The following DPP10 variants were observed in gnomAD, a reference collection of about 807,000 sequenced individuals.
DPP10 encodes the protein dipeptidyl peptidase like 10.
A neutral mutation model predicts 120.9 loss-of-function variants in DPP10; 33 were observed. That is an observed-to-expected ratio of 0.27 (90% CI 0.21 to 0.37). DPP10 has a LOEUF of 0.37. Ranked by LOEUF, DPP10 falls within the 10% of genes least tolerant of loss-of-function variation. The probability of loss-of-function intolerance (pLI) is 1.00; values close to 1 mark genes in which losing one functional copy is unlikely to be tolerated. For missense variants in DPP10, 816 were observed against 942.8 expected (o/e 0.87, Z 1.76); for synonymous variants, 337 against 326.1 (o/e 1.03, Z -0.36).
At chr2:115,831,535 G>A (rs1688926788) in intron 21 of DPP10, among the ~76,000 whole-genome samples, 1 of 152,094 alleles carries the variant, frequency 6.6e-6, no homozygotes, top group South Asian at 2.1e-4. Flanking sequence ...ACCATGTCCG[G>A]CCCAAATAAC....
intron 1 of DPP10, among the ~76,000 whole-genome samples, chr2:114,772,350 G>A (rs956641822): frequency 6.6e-6 from 1 of 151,804 alleles, no homozygotes; most frequent in Non-Finnish European, 1.5e-5. Context: ...AGTAGAGATG[G>A]GGTCTCACCA....
chr2:115,646,474 C>T (rs910309493), intron 5 of DPP10, among the ~76,000 whole-genome samples: 1 of 152,058 alleles, frequency 6.6e-6, no homozygotes, highest in Non-Finnish European at 1.5e-5. Flanking sequence ...ACTGTAAGTC[C>T]CACCTGCATT....
intron 1 of DPP10, among the ~76,000 whole-genome samples, chr2:114,861,064 C>A (rs1051008871): frequency 2.0e-5 from 3 of 152,158 alleles, no homozygotes; most frequent in African/African-American, 7.2e-5. Flanking sequence ...ACAACATAAA[C>A]CCTCTTTCTT....
At chr2:114,662,499 G>C (rs1041890479) in intron 1 of DPP10, among the ~76,000 whole-genome samples, 1 of 152,128 alleles carries the variant, frequency 6.6e-6, no homozygotes, top group Non-Finnish European at 1.5e-5. Flanking sequence ...ACTTGAATGC[G>C]TGTGTCAGAC....
intron 1 of DPP10, among the ~76,000 whole-genome samples, chr2:114,764,103 G>A (rs564024907): frequency 6.6e-6 from 1 of 152,238 alleles, no homozygotes; most frequent in Non-Finnish European, 1.5e-5. Context: ...GGTAAATACT[G>A]CTTAAATAGT....
At chr2:115,533,789 G>T (rs2078620012) in intron 5 of DPP10, among the ~76,000 whole-genome samples, 1 of 152,034 alleles carries the variant, frequency 6.6e-6, no homozygotes, top group Admixed American at 6.6e-5. Flanking sequence ...AAATCCTCCT[G>T]CCTTCTAGTG....
At chr2:114,695,168 G>A (rs1374052721) in intron 1 of DPP10, among the ~76,000 whole-genome samples, 1 of 151,944 alleles carries the variant, frequency 6.6e-6, no homozygotes, top group Non-Finnish European at 1.5e-5. Flanking sequence ...AAGACAAAGA[G>A]GGCAGTTAGG....
chr2:114,909,990 A>T (rs1291492060), intron 1 of DPP10, among the ~76,000 whole-genome samples: 1 of 151,812 alleles, frequency 6.6e-6, no homozygotes, highest in African/African-American at 2.4e-5. Context: ...TGAATTACAT[A>T]TCTATGTATC....
At chr2:115,038,344 C>T (rs1461741501) in intron 1 of DPP10, among the ~76,000 whole-genome samples, 1 of 152,008 alleles carries the variant, frequency 6.6e-6, no homozygotes, top group African/African-American at 2.4e-5. Flanking sequence ...CATCTTGGCT[C>T]ATTGCAAGCT....
intron 1 of DPP10, among the ~76,000 whole-genome samples, chr2:114,629,580 C>T (rs892434223): frequency 2.0e-5 from 3 of 152,122 alleles, no homozygotes; most frequent in African/African-American, 7.2e-5. Flanking sequence ...ACTATAACAG[C>T]ATAGCACTGT....
chr2:115,138,706 G>A (rs1165474978), intron 1 of DPP10, among the ~76,000 whole-genome samples: 1 of 151,992 alleles, frequency 6.6e-6, no homozygotes, highest in Non-Finnish European at 1.5e-5. Flanking sequence ...ATGTACCAAG[G>A]TAATTCAATT....
At chr2:114,783,305 A>C (rs1213459506) in intron 1 of DPP10, among the ~76,000 whole-genome samples, 1 of 152,140 alleles carries the variant, frequency 6.6e-6, no homozygotes, top group African/African-American at 2.4e-5. Flanking sequence ...AAATGACAGC[A>C]AATATGCATC....
chr2:115,654,033 G>A (rs757697374), intron 5 of DPP10, among the ~76,000 whole-genome samples: 18 of 151,752 alleles, frequency 1.2e-4, no homozygotes, highest in Non-Finnish European at 2.2e-4. Context: ...TTTAAAATTC[G>A]TAAAGCCCTA....
At chr2:115,026,926 A>T (rs1345991191) in intron 1 of DPP10, among the ~76,000 whole-genome samples, 2 of 152,170 alleles carry the variant, frequency 1.3e-5, no homozygotes, top group East Asian at 1.9e-4. Context: ...TTGTAATTTT[A>T]GCAATATTCA....
At chr2:114,980,747 T>C (rs2104853109) in intron 1 of DPP10, among the ~76,000 whole-genome samples, 1 of 151,798 alleles carries the variant, frequency 6.6e-6, no homozygotes, top group Non-Finnish European at 1.5e-5. Context: ...TAATGATACC[T>C]CCCAGAGCGC....
At chr2:115,100,746 G>A (rs562604355) in intron 1 of DPP10, among the ~76,000 whole-genome samples, 41 of 152,036 alleles carry the variant, frequency 2.7e-4, no homozygotes, top group Non-Finnish European at 4.0e-4. Flanking sequence ...ATTAACCTGT[G>A]ACACAAAGAT....
chr2:115,165,265 T>G (rs1369041065), intron 1 of DPP10, among the ~76,000 whole-genome samples: 5 of 152,222 alleles, frequency 3.3e-5, no homozygotes, highest in South Asian at 2.1e-4. Flanking sequence ...TTTTTATTCC[T>G]ATTTTAGAGA....
intron 1 of DPP10, among the ~76,000 whole-genome samples, chr2:114,985,718 A>G (rs942432703): frequency 3.3e-5 from 5 of 152,342 alleles, no homozygotes; most frequent in South Asian, 2.1e-4. Context: ...TCAAACTGTA[A>G]TAAGCACAAA....
intron 1 of DPP10, among the ~76,000 whole-genome samples, chr2:115,088,911 T>A (rs1342304330): frequency 6.6e-6 from 1 of 152,068 alleles, no homozygotes; most frequent in Admixed American, 6.5e-5. Flanking sequence ...GAAAAAAACT[T>A]CTTAATTTTG....
Sources: gnomAD v4.1 joint callset for allele counts (sites outside exome capture counted in the v4.1 genomes callset) on GRCh38, gnomAD v4.1.1 for gene constraint, MANE v1.5 for transcripts, NCBI Gene and HGNC (gene_info 2026-07-23, HGNC 2026-07-21) for gene names.